UBR2: variants seen among roughly 807,000 people sequenced by gnomAD.
UBR2 encodes E3 ubiquitin-protein ligase UBR2.
In UBR2, 92 loss-of-function variants were observed where a neutral mutation model predicts 247.9. The ratio of observed to expected loss-of-function variants is 0.37; its 90% CI spans 0.31 to 0.44. The LOEUF (loss-of-function observed/expected upper bound fraction) is 0.44, where lower values mean the gene tolerates loss of function less well. Among genes scored for constraint, UBR2 ranks in the 20% least tolerant of loss-of-function variants. The pLI is 1.00. For missense variants in UBR2, 1,613 were observed against 2,112.6 expected (o/e 0.76, Z 4.64); for synonymous variants, 672 against 693.5 (o/e 0.97, Z 0.49).
intron 11 of UBR2, chr6:42,619,663 G>A (rs534083277): frequency 5.2e-5 from 8 of 154,008 alleles, no homozygotes; most frequent in African/African-American, 7.3e-5. Context: ...CCCAAGAGGC[G>A]GAGGTTGCAG....
At chr6:42,661,068 C>T (rs1797773280) in intron 30 of UBR2, among the ~76,000 whole-genome samples, 1 of 150,708 alleles carries the variant, frequency 6.6e-6, no homozygotes, top group Non-Finnish European at 1.5e-5. Flanking sequence ...CCAAGGCAGG[C>T]AGATCACAAG....
chr6:42,605,621 A>T, intron 5 of UBR2, 100 bp from the exon 6 acceptor site: 1 of 1,061,562 alleles, frequency 9.4e-7, no homozygotes, highest in Non-Finnish European at 1.3e-6. Context: ...TGTGTCCAGT[A>T]CCTAGCACAT....
chr6:42,605,832 TG>T lies in UBR2; in HGVS notation c.776del (p.Gly259ValfsTer6). 2.5e-6 allele frequency: 4 copies of T among 1,611,152 alleles called. No individual in the cohort carries two copies. The highest frequency in any genetic ancestry group is 3.4e-6 in the Non-Finnish European group (4 of 1,179,158). ...TTAACTGTACACAAAAAGAAGCTAT[TG>T]GTTTTGCAACTACAGTAGATCGAGA... is the stretch of plus-strand genomic sequence containing the variant. Reference protein sequence around the residue: ...AVNCTQKEAIGFATTVDRDGR... With the variant: ...AVNCTQKEAIXFATTVDRDGR... On this transcript the variant is annotated frameshift_variant, in exon 6 of 47. Transcript: ENST00000372901. LOFTEE classifies it high-confidence loss of function.
At chr6:42,679,927 C>G (rs1798933762) in intron 42 of UBR2, 95 bp downstream of exon 42, 2 of 743,680 alleles carry the variant, frequency 2.7e-6, no homozygotes, top group Non-Finnish European at 4.3e-6. Context: ...AGTAATGACC[C>G]TGGTAGAATT....
At chr6:42,606,385 A>C (rs980031459) in intron 6 of UBR2, among the ~76,000 whole-genome samples, 2 of 152,352 alleles carry the variant, frequency 1.3e-5, no homozygotes, top group Non-Finnish European at 2.9e-5. Context: ...TGTTTTGTTC[A>C]AGGAAATATT....
intron 11 of UBR2, among the ~76,000 whole-genome samples, chr6:42,626,155 C>G (rs943451254): frequency 4.6e-5 from 7 of 151,690 alleles, no homozygotes; most frequent in Non-Finnish European, 1.0e-4. Flanking sequence ...TTTATTCTTT[C>G]CTTTTTTGTG....
chr6:42,641,750 T>A, intron 17 of UBR2, 58 bp downstream of exon 17: 1 of 1,451,324 alleles, frequency 6.9e-7, no homozygotes, highest in Non-Finnish European at 9.6e-7. Context: ...TCTGTGAAGG[T>A]TGTAATTTTC....
Position 42,692,905 on chromosome 6 carries a change from C to G in UBR2, c.*1732C>G, listed in dbSNP as rs1799817198. The G allele has an allele frequency of 6.6e-6, 1 of 152,106 alleles. No individual in the cohort carries two copies. Among genetic ancestry groups the G allele is most frequent in the African/African-American group, 2.4e-5 (1 of 41,400 alleles). The allele number at this position is 152,106 out of a possible 1,614,324, so 9.4% of individuals were successfully genotyped here. On this transcript the variant is annotated 3_prime_UTR_variant, in exon 47 of 47. Coordinates refer to ENST00000372901, the MANE Select transcript of UBR2 (RefSeq NM_001363705.2). ...ATTCACATTTGAGTCCACCTCTCTC[C>G]CCCTTTTTCTGGCCTTCATTCATAA...
chr6:42,640,386 GTGTGTGTGTGTGT>G (rs376735509), intron 16 of UBR2, 116 bp downstream of exon 16: 127,239 of 456,720 alleles, frequency 0.28, 16,927 homozygotes, highest in East Asian at 0.32. Context: ...CCAGTAAGGT[GTGTGTGTGTGTGT>G]GTGTGTGTGT....
intron 7 of UBR2, among the ~76,000 whole-genome samples, chr6:42,607,543 C>T (rs1793781917): frequency 6.6e-6 from 1 of 151,330 alleles, no homozygotes; most frequent in African/African-American, 2.4e-5. Context: ...GAGACAGAGT[C>T]TTACTCTGTC....
In UBR2 at chr6:42,602,348, G is replaced by A. The variant is rs182381128; in HGVS notation, c.532-1240G>A. 5.0e-3 allele frequency among the ~76,000 whole-genome samples: 761 copies of A among 151,974 alleles called. 2 individuals are homozygous for A. Among genetic ancestry groups the A allele is most frequent in the African/African-American group, 0.014 (589 of 41,458 alleles). On this transcript the variant is annotated intron_variant, in intron 4 of 46. Transcript: ENST00000372901. ...CTCCCAAGTAGCAGGGACTACAGGC[G>A]CCCTCCACCACGCCCGGCTAATTTT...
At chr6:42,587,275 AG>A (rs1792352148) in intron 2 of UBR2, among the ~76,000 whole-genome samples, 1 of 152,184 alleles carries the variant, frequency 6.6e-6, no homozygotes, top group Non-Finnish European at 1.5e-5. Flanking sequence ...TTCCTGGACT[AG>A]AGGTTGGGAA....
intron 2 of UBR2, among the ~76,000 whole-genome samples, chr6:42,581,625 C>A (rs568374815): frequency 1.6e-4 from 24 of 152,266 alleles, no homozygotes; most frequent in Middle Eastern, 3.4e-3. Flanking sequence ...CTGCGCCCAC[C>A]CTGGTTCTAG....
chr6:42,642,637 A>C (rs948104517), intron 18 of UBR2, among the ~76,000 whole-genome samples, 156 bp downstream of exon 18: 1 of 152,138 alleles, frequency 6.6e-6, no homozygotes, highest in Non-Finnish European at 1.5e-5. Context: ...CAGCCTTTAG[A>C]TCATTTCCAT....
Position 42,676,140 on chromosome 6 carries a change from C to G in UBR2, c.4336C>G (p.His1446Asp). The change falls in exon 39 of 47, where the codon CAT becomes GAT. Residue 1446 changes from histidine (H) to aspartate (D), a missense_variant. By Grantham distance (81) the His-to-Asp change is moderately conservative. Transcript: ENST00000372901. ...SLGTGDLHIF[H>D]LVTMAHIIQI... ...TGGCACTGGAGACCTTCACATTTTC[C>G]ATCTGGTTACTATGGCACACATCAT... The G allele has an allele frequency of 6.2e-7, 1 of 1,613,692 alleles. No individual in the cohort carries two copies. Among genetic ancestry groups the G allele is most frequent in the Non-Finnish European group, 8.5e-7 (1 of 1,179,934 alleles).
At chr6:42,595,581 C>CA (rs1484541105) in intron 4 of UBR2, among the ~76,000 whole-genome samples, 4 of 152,064 alleles carry the variant, frequency 2.6e-5, no homozygotes, top group Admixed American at 2.6e-4. Context: ...CCCATCCCTA[C>CA]AAAAAATACA....
At chr6:42,610,654 G>C (rs1794007372) in intron 7 of UBR2, among the ~76,000 whole-genome samples, 1 of 152,114 alleles carries the variant, frequency 6.6e-6, no homozygotes, top group South Asian at 2.1e-4. Flanking sequence ...GAAACAGAAA[G>C]AGACAGATGG....
chr6:42,650,125 G>A (rs958058272), intron 22 of UBR2, among the ~76,000 whole-genome samples, 159 bp from the exon 23 acceptor site: 7 of 152,154 alleles, frequency 4.6e-5, no homozygotes, highest in African/African-American at 1.7e-4. Context: ...TGTAGAACTC[G>A]GATTTAGACT....
At chr6:42,614,942 C>T in intron 8 of UBR2, 129 bp from the exon 9 acceptor site, 10 of 675,538 alleles carry the variant, frequency 1.5e-5, no homozygotes, top group East Asian at 3.1e-5. Flanking sequence ...ATATGTTTGC[C>T]TTTTCTGAAT....
Sources: allele counts gnomAD v4.1 joint callset (sites outside exome capture counted in the v4.1 genomes callset), GRCh38; gene constraint gnomAD v4.1.1; transcripts MANE v1.5; gene names NCBI Gene and HGNC (gene_info 2026-07-23, HGNC 2026-07-21).